ZNF529: variants seen among roughly 807,000 people sequenced by gnomAD.
The protein encoded by ZNF529 is zinc finger protein 529.
ZNF529 carries 11 observed loss-of-function variants against 10.1 expected under a neutral mutation model. That is an observed-to-expected ratio of 1.09 (90% CI 0.69 to 1.81). The LOEUF (loss-of-function observed/expected upper bound fraction) is 1.81, where lower values mean the gene tolerates loss of function less well. Among genes scored for constraint, ZNF529 ranks in the 40% most tolerant of loss-of-function variants. ZNF529 has a pLI of 0.00. For missense variants in ZNF529, 624 were observed against 666.8 expected (o/e 0.94, Z 0.71); for synonymous variants, 204 against 215.7 (o/e 0.95, Z 0.47).
In ZNF529 at chr19:36,556,132, T is replaced by G. The variant is rs1458345938; in HGVS notation, c.80A>C (p.Gln27Pro). ...GTCCATGGTTAGAACTGTAAAGAAT[T>G]GGTCAGGGAATTCCACTTCTGGCAT... is the stretch of plus-strand genomic sequence containing the variant. The part of the protein sequence containing the change: ...AVMPEVEFPD[Q>P]FFTVLTMDHE... The change falls in exon 3 of 5, where the codon CAA becomes CCA. Residue 27 changes from glutamine to proline, a missense_variant. Physicochemically the swap from Gln to Pro is moderately conservative, Grantham distance 76. Coordinates refer to ENST00000591340, the MANE Select transcript of ZNF529 (RefSeq NM_020951.5). 1 of 1,549,592 alleles carries G rather than the reference T, an allele frequency of 6.5e-7. No homozygotes were observed.
intron 2 of ZNF529, among the ~76,000 whole-genome samples, chr19:36,557,415 A>G (rs1397184659): frequency 6.6e-6 from 1 of 152,192 alleles, no homozygotes; most frequent in African/African-American, 2.4e-5. Flanking sequence ...AGGCCTCAGG[A>G]AACTTACAAT....
intron 1 of ZNF529, among the ~76,000 whole-genome samples, chr19:36,590,609 G>C (rs1009249992): frequency 3.9e-5 from 6 of 152,082 alleles, no homozygotes; most frequent in Non-Finnish European, 4.4e-5. Flanking sequence ...CAAACTAAAA[G>C]TGAATTCTCT....
chr19:36,575,506 G>T (rs1281798315), upstream of ZNF529, among the ~76,000 whole-genome samples: 1 of 150,174 alleles, frequency 6.7e-6, no homozygotes, highest in Non-Finnish European at 1.5e-5. Flanking sequence ...AGTTGAGGGT[G>T]ATTTAATGCC....
At chr19:36,596,055 CTCTTT>C (rs2036833275) in intron 1 of ZNF529, among the ~76,000 whole-genome samples, 1 of 115,642 alleles carries the variant, frequency 8.6e-6, no homozygotes, top group African/African-American at 3.4e-5. Flanking sequence ...TATCCTGAAG[CTCTTT>C]TTTTTTTTTT....
intron 2 of ZNF529, among the ~76,000 whole-genome samples, chr19:36,583,023 A>T (rs757560370): frequency 6.6e-6 from 1 of 151,820 alleles, no homozygotes; most frequent in African/African-American, 2.4e-5. Flanking sequence ...TCTTGACTCA[A>T]AATGAAATAG....
chr19:36,603,151 A>T (rs2036956492), intron 1 of ZNF529, among the ~76,000 whole-genome samples: 1 of 152,138 alleles, frequency 6.6e-6, no homozygotes, highest in African/African-American at 2.4e-5. Context: ...CTGTTTTTCC[A>T]CTCATGTCTC....
At chr19:36,560,057 G>A (rs923535142) in intron 2 of ZNF529, among the ~76,000 whole-genome samples, 13 of 151,978 alleles carry the variant, frequency 8.6e-5, no homozygotes, top group African/African-American at 3.1e-4. Flanking sequence ...TTGGGAGTTC[G>A]AGACCAGCCT....
upstream of ZNF529, chr19:36,573,418 G>A (rs754475153): frequency 2.1e-6 from 1 of 469,116 alleles, no homozygotes; most frequent in Non-Finnish European, 4.4e-6. Flanking sequence ...GCCGCACCAC[G>A]CCCCAGACCC....
At chr19:36,554,450 C>T (rs1600259132) in intron 4 of ZNF529, among the ~76,000 whole-genome samples, 2 of 152,072 alleles carry the variant, frequency 1.3e-5, no homozygotes, top group African/African-American at 4.8e-5. Flanking sequence ...TAGTGGCGGG[C>T]TCCTGTAATT....
chr19:36,601,179 AT>A (rs74174421), intron 1 of ZNF529, among the ~76,000 whole-genome samples: 11,361 of 141,414 alleles, frequency 0.08, 399 homozygotes, highest in African/African-American at 0.1. Flanking sequence ...TACAAGTGTA[AT>A]TTTTTTTTTT....
intron 4 of ZNF529, among the ~76,000 whole-genome samples, chr19:36,554,418 A>T (rs925665333): frequency 9.2e-5 from 14 of 152,254 alleles, no homozygotes; most frequent in African/African-American, 3.1e-4. Flanking sequence ...CTCTACTAAA[A>T]ATACAAAAAA....
chr19:36,601,998 A>G (rs2036930255), intron 1 of ZNF529, among the ~76,000 whole-genome samples: 1 of 151,402 alleles, frequency 6.6e-6, no homozygotes. Context: ...CTCCCTCCTC[A>G]GTCTCCCAAA....
chr19:36,567,410 G>A (rs1442387400), intron 2 of ZNF529, among the ~76,000 whole-genome samples: 1 of 151,900 alleles, frequency 6.6e-6, no homozygotes, highest in African/African-American at 2.4e-5. Flanking sequence ...GAAATGTAGG[G>A]GTAAGTCATC....
At position 36,547,691 on chromosome 19, in the gene ZNF529, T is replaced by C. The variant is rs1359271306; in HGVS notation, c.867A>G (p.Lys289=). 7 of 1,613,904 alleles carry C rather than the reference T, an allele frequency of 4.3e-6. No homozygotes were observed. Among genetic ancestry groups the C allele is most frequent in the Non-Finnish European group, 5.9e-6 (7 of 1,179,864 alleles). Residue 289 remains lysine (K), a synonymous_variant, in exon 5 of 5, where the codon AAA becomes AAG. Transcript: ENST00000591340. ...TAAGTTGTGCATGCACTCTAAAGGA[T>C]TTCCCACAGAATGAGCATTCAAAGT... is the stretch of plus-strand genomic sequence containing the variant. ...EKHFECSFCG[K]SFRVHAQLTR... is the part of the protein sequence containing the mutation.
intron 2 of ZNF529, among the ~76,000 whole-genome samples, chr19:36,559,598 C>T (rs1279086398): frequency 6.6e-6 from 1 of 152,342 alleles, no homozygotes; most frequent in East Asian, 1.9e-4. Context: ...TGAGCCACCA[C>T]ACATGGCCAA....
chr19:36,569,129 CG>C (rs1024614811), intron 2 of ZNF529, among the ~76,000 whole-genome samples: 3 of 152,122 alleles, frequency 2.0e-5, no homozygotes, highest in Admixed American at 1.3e-4. Flanking sequence ...CCAGGAAAAA[CG>C]TAAGACCTTA....
intron 2 of ZNF529, among the ~76,000 whole-genome samples, chr19:36,586,215 C>G (rs1040082738): frequency 1.3e-5 from 2 of 152,116 alleles, no homozygotes; most frequent in African/African-American, 4.8e-5. Context: ...GGATGCAGAC[C>G]CACCTAATAG....
chr19:36,570,378 A>G (rs903359794), intron 2 of ZNF529, among the ~76,000 whole-genome samples: 3 of 151,082 alleles, frequency 2.0e-5, no homozygotes, highest in South Asian at 4.2e-4. Context: ...AAAAAAAAAA[A>G]AAAGAAAAGA....
At chr19:36,567,667 T>C (rs752860782) in intron 2 of ZNF529, among the ~76,000 whole-genome samples, 13 of 151,972 alleles carry the variant, frequency 8.6e-5, no homozygotes, top group Non-Finnish European at 1.5e-4. Flanking sequence ...GGTTTCAAAC[T>C]CCTGACCTCA....
Sources: gnomAD v4.1 joint callset for allele counts (sites outside exome capture counted in the v4.1 genomes callset) on GRCh38, gnomAD v4.1.1 for gene constraint, MANE v1.5 for transcripts, NCBI Gene and HGNC (gene_info 2026-07-23, HGNC 2026-07-21) for gene names.